Variants in VIP observed in about 807,000 individuals in gnomAD.
VIP encodes the protein vasoactive intestinal peptide, also known as VIP peptides.
Under a neutral mutation model 20.1 loss-of-function variants are expected in VIP, and 18 were observed. The ratio of observed to expected loss-of-function variants is 0.90; its 90% CI spans 0.62 to 1.33. The LOEUF (loss-of-function observed/expected upper bound fraction) is 1.33, where lower values mean the gene tolerates loss of function less well. Among genes scored for constraint, VIP ranks in the 40% most tolerant of loss-of-function variants. VIP has a pLI of 0.00. For missense variants in VIP, 209 were observed against 199.4 expected (o/e 1.05, Z -0.29); for synonymous variants, 70 against 68.1 (o/e 1.03, Z -0.14).
rs2129075028 is a variant in VIP, at chr6:152,757,001, C to A, written c.468-95C>A. ...TTAGCCTCCCCATACACTTTCAGAG[C>A]ACAGAGAACAGCACATTCATTATGT... is the stretch of plus-strand genomic sequence containing the variant. On this transcript the variant is annotated intron_variant, in intron 5 of 6. Transcript: ENST00000367244. The A allele has an allele frequency of 4.2e-6, 5 of 1,194,104 alleles. No individual in the cohort carries two copies. The East Asian group carries it at 7.5e-5, about 18-fold the overall frequency. The allele number at this position is 1,194,104 out of a possible 1,614,324, so 74.0% of individuals were successfully genotyped here. A position where few individuals can be genotyped will look rare whatever the true frequency, so the allele number is the denominator to read the frequency against.
intron 5 of VIP, 76 bp downstream of exon 5, chr6:152,756,341 T>G (rs757039391): frequency 4.1e-5 from 61 of 1,485,972 alleles, no homozygotes; most frequent in Non-Finnish European, 5.4e-5. Context: ...TGGAGACCTC[T>G]CTATCTCACT....
At position 152,752,288 on chromosome 6, in the gene VIP, AG is replaced by A; in HGVS notation, c.107+5del. ...ACAGGGCACCTTCTGCTCTCAGGTA[AG>A]TTCCCTTTCAATTCAAACATCTGAA... On this transcript the variant is annotated splice_donor_5th_base_variant and intron_variant, in intron 2 of 6. Coordinates refer to ENST00000367244, the MANE Select transcript of VIP (RefSeq NM_003381.4). 6.2e-7 allele frequency: 1 copy of A among 1,609,938 alleles called. No individual in the cohort carries two copies. The highest frequency in any genetic ancestry group is 8.5e-7 in the Non-Finnish European group (1 of 1,177,532).
At chr6:152,753,410 G>A (rs989296528) in intron 2 of VIP, among the ~76,000 whole-genome samples, 6 of 152,048 alleles carry the variant, frequency 3.9e-5, no homozygotes, top group Non-Finnish European at 8.8e-5. Context: ...AGAGTTGCCG[G>A]TGATTGAAAT....
intron 2 of VIP, 42 bp downstream of exon 2, chr6:152,752,326 C>T (rs1169248019): frequency 1.3e-6 from 2 of 1,492,716 alleles, no homozygotes; most frequent in Non-Finnish European, 1.9e-6. Context: ...ATTCCTTCCT[C>T]ATCTAAATGG....
At position 152,758,012 on chromosome 6, in the gene VIP, A is replaced by G. The variant is rs1169473167; in HGVS notation, c.*43+828A>G. 2.0e-5 allele frequency among the ~76,000 whole-genome samples: 3 copies of G among 151,960 alleles called. No individual in the cohort carries two copies. In the East Asian group the frequency reaches 5.8e-4, roughly 29 times the overall value. On this transcript the variant is annotated intron_variant, in intron 6 of 6. Coordinates refer to ENST00000367244, the MANE Select transcript of VIP (RefSeq NM_003381.4). ...AGATTTTAAAGGGCTATGGAGTAAA[A>G]TATGTTTGGCTTTGTGAGCCATCTA...
intron 3 of VIP, among the ~76,000 whole-genome samples, chr6:152,754,990 T>C (rs954681625): frequency 6.6e-6 from 1 of 151,948 alleles, no homozygotes; most frequent in Non-Finnish European, 1.5e-5. Context: ...AAAGAAATAG[T>C]TATAAAGATT....
chr6:152,756,212 A>G lies in VIP; in HGVS notation c.414A>G (p.Arg138=). Residue 138 remains arginine (R), a synonymous_variant, in exon 5 of 7, where the codon AGA becomes AGG. Transcript: ENST00000367244. ...TCACTGACAACTATACCCGCCTTAGAAAACAAATGGCTGTAAAGAAATATT... is the reference window on the plus strand; with the variant it reads ...TCACTGACAACTATACCCGCCTTAGGAAACAAATGGCTGTAAAGAAATATT... The part of the protein sequence containing the change: ...AVFTDNYTRL[R]KQMAVKKYLN... 1 of 1,612,014 alleles carries G rather than the reference A, an allele frequency of 6.2e-7. No individual in the cohort carries two copies. Among genetic ancestry groups the G allele is most frequent in the Non-Finnish European group, 8.5e-7 (1 of 1,178,568 alleles).
chr6:152,755,088 C>T (rs1473166253), intron 3 of VIP, among the ~76,000 whole-genome samples, 181 bp from the exon 4 acceptor site: 3 of 151,744 alleles, frequency 2.0e-5, no homozygotes, highest in African/African-American at 7.3e-5. Context: ...TAGGGTATAT[C>T]TTGATATAAG....
chr6:152,752,267 G>A lies in VIP; in HGVS notation c.90G>A (p.Arg30=), dbSNP rs142323573. 11 of 1,612,674 alleles carry A rather than the reference G, an allele frequency of 6.8e-6. No individual in the cohort carries two copies. The African/African-American group carries it at 1.3e-4, about 20-fold the overall frequency. The part of the protein sequence containing the change: ...FSQTSAWPLY[R]APSALRLGDR... The stretch of plus-strand genomic sequence containing the variant: ...AGACTTCGGCATGGCCTCTTTACAG[G>A]GCACCTTCTGCTCTCAGGTAAGTTC... The change falls in exon 2 of 7, where the codon AGG becomes AGA. Residue 30 remains arginine, a synonymous_variant. Transcript: ENST00000367244.
At chr6:152,756,745 A>C (rs2099730483) in intron 5 of VIP, among the ~76,000 whole-genome samples, 1 of 152,004 alleles carries the variant, frequency 6.6e-6, no homozygotes, top group Non-Finnish European at 1.5e-5. Flanking sequence ...TAAAATCTAT[A>C]TCTCTCTATG....
At chr6:152,758,621 A>T (rs2099730770) in intron 6 of VIP, among the ~76,000 whole-genome samples, 1 of 151,988 alleles carries the variant, frequency 6.6e-6, no homozygotes, top group African/African-American at 2.4e-5. Context: ...GTGGCTTTGG[A>T]CAAATTCTTT....
At chr6:152,757,674 T>A (rs1304310288) in intron 6 of VIP, among the ~76,000 whole-genome samples, 3 of 151,966 alleles carry the variant, frequency 2.0e-5, no homozygotes, top group Non-Finnish European at 1.5e-5. Flanking sequence ...CTAACTATAT[T>A]CCTTGAAACA....
At chr6:152,753,255 T>G (rs1159109418) in intron 2 of VIP, among the ~76,000 whole-genome samples, 1 of 152,124 alleles carries the variant, frequency 6.6e-6, no homozygotes, top group Non-Finnish European at 1.5e-5. Flanking sequence ...ACATTTGTGT[T>G]GATTGCTAAG....
At chr6:152,754,390 T>C (rs1368348163) in intron 3 of VIP, 102 bp downstream of exon 3, 3 of 1,130,492 alleles carry the variant, frequency 2.7e-6, no homozygotes, top group Middle Eastern at 3.1e-4. Context: ...GCTATTCCGA[T>C]AGCAAAACAC....
At chr6:152,755,180 C>T in intron 3 of VIP, 89 bp from the exon 4 acceptor site, 1 of 748,864 alleles carries the variant, frequency 1.3e-6, no homozygotes, top group Non-Finnish European at 2.1e-6. Context: ...CATAATAAGC[C>T]CATAATTTTT....
At chr6:152,752,972 T>C (rs1583995167) in intron 2 of VIP, among the ~76,000 whole-genome samples, 2 of 152,152 alleles carry the variant, frequency 1.3e-5, no homozygotes, top group Admixed American at 1.3e-4. Context: ...AAATGAAAAC[T>C]ATATTAGCTT....
At chr6:152,756,395 G>A in intron 5 of VIP, 130 bp downstream of exon 5, 3 of 1,069,358 alleles carry the variant, frequency 2.8e-6, no homozygotes, top group Non-Finnish European at 1.3e-6. Context: ...AACCTTGGCT[G>A]ACATTAGACT....
At chr6:152,755,534 A>G (rs899450694) in intron 4 of VIP, among the ~76,000 whole-genome samples, 161 bp downstream of exon 4, 1 of 151,992 alleles carries the variant, frequency 6.6e-6, no homozygotes, top group East Asian at 1.9e-4. Context: ...AATAACATCT[A>G]TCAAGCCCAT....
chr6:152,755,745 A>T (rs2129074730), intron 4 of VIP, among the ~76,000 whole-genome samples: 1 of 152,056 alleles, frequency 6.6e-6, no homozygotes, highest in Non-Finnish European at 1.5e-5. Context: ...GAGAATTCCA[A>T]ATGGCCAACA....
Sources: allele counts gnomAD v4.1 joint callset (sites outside exome capture counted in the v4.1 genomes callset), GRCh38; gene constraint gnomAD v4.1.1; transcripts MANE v1.5; gene names NCBI Gene and HGNC (gene_info 2026-07-23, HGNC 2026-07-21).